RIT2: variants seen among roughly 807,000 people sequenced by gnomAD.
The protein encoded by RIT2 is Ras like without CAAX 2.
Under a neutral mutation model 23.7 loss-of-function variants are expected in RIT2, and 24 were observed. The observed-to-expected ratio is 1.01, with a 90% confidence interval of 0.73 to 1.43. The LOEUF is 1.43. RIT2 is among the 40% of genes most tolerant of loss of function. The probability of loss-of-function intolerance (pLI) is 0.00; values close to 1 mark genes in which losing one functional copy is unlikely to be tolerated. For synonymous variants in RIT2, 107 were observed against 91.1 expected, an observed-to-expected ratio of 1.17 and a Z score of -0.99; for missense variants, 236 against 266.9, an observed-to-expected ratio of 0.88 and a Z score of 0.81.
chr18:42,997,346 G>T (rs533222451), intron 2 of RIT2, among the ~76,000 whole-genome samples: 2 of 151,778 alleles, frequency 1.3e-5, no homozygotes, highest in African/African-American at 2.4e-5. Flanking sequence ...GACTGCATTT[G>T]GGGGGGAAGA....
intron 2 of RIT2, among the ~76,000 whole-genome samples, chr18:43,005,172 C>G (rs936642282): frequency 1.3e-5 from 2 of 151,854 alleles, no homozygotes; most frequent in African/African-American, 4.8e-5. Flanking sequence ...CTCCTTCAAT[C>G]TGGCTTTAAA....
chr18:42,779,249 T>A (rs1050126353), intron 4 of RIT2, among the ~76,000 whole-genome samples: 2 of 152,160 alleles, frequency 1.3e-5, no homozygotes, highest in Admixed American at 1.3e-4. Context: ...GAGATGTAAA[T>A]CTTCAACGCA....
chr18:42,950,503 T>C (rs1005856280), intron 3 of RIT2, among the ~76,000 whole-genome samples: 3 of 151,746 alleles, frequency 2.0e-5, no homozygotes, highest in Admixed American at 6.6e-5. Flanking sequence ...TATGACTAAG[T>C]CCCCAAAAGC....
At chr18:43,033,940 C>T (rs777244617) in intron 1 of RIT2, 73 bp from the exon 2 acceptor site, 8 of 998,608 alleles carry the variant, frequency 8.0e-6, no homozygotes, top group Non-Finnish European at 1.2e-5. Context: ...CCAACATAGT[C>T]CACCAATCTT....
chr18:42,831,513 G>A (rs576051256), intron 4 of RIT2, among the ~76,000 whole-genome samples: 2 of 152,226 alleles, frequency 1.3e-5, no homozygotes, highest in South Asian at 4.2e-4. Context: ...AGTGTGGTCA[G>A]ATCCTTTAAT....
intron 1 of RIT2, among the ~76,000 whole-genome samples, chr18:43,075,933 A>C (rs2144341044): frequency 6.6e-6 from 1 of 152,316 alleles, no homozygotes; most frequent in Non-Finnish European, 1.5e-5. Flanking sequence ...TAGTGAATAA[A>C]AGGGTATTTG....
chr18:43,082,543 C>T (rs533561681), intron 1 of RIT2, among the ~76,000 whole-genome samples: 15 of 152,274 alleles, frequency 9.9e-5, no homozygotes, highest in South Asian at 2.1e-4. Flanking sequence ...TTCAAGTCAA[C>T]GCCATCCCTG....
chr18:43,084,710 C>T (rs1598776775), intron 1 of RIT2, among the ~76,000 whole-genome samples: 1 of 151,992 alleles, frequency 6.6e-6, no homozygotes, highest in Non-Finnish European at 1.5e-5. Context: ...GGGAGGGGAA[C>T]ATCACACACT....
chr18:42,932,709 T>C (rs1195868197), intron 3 of RIT2, among the ~76,000 whole-genome samples: 5 of 152,126 alleles, frequency 3.3e-5, no homozygotes, highest in Non-Finnish European at 5.9e-5. Context: ...GTAGTGATGA[T>C]ATCATTTTCT....
At chr18:42,746,338 T>C (rs563436786) in intron 4 of RIT2, among the ~76,000 whole-genome samples, 4 of 152,186 alleles carry the variant, frequency 2.6e-5, no homozygotes, top group African/African-American at 9.6e-5. Flanking sequence ...TCTCCAACTT[T>C]AAAAGACAAA....
intron 4 of RIT2, among the ~76,000 whole-genome samples, chr18:42,907,838 A>G (rs1168862720): frequency 6.6e-6 from 1 of 152,032 alleles, no homozygotes; most frequent in Non-Finnish European, 1.5e-5. Flanking sequence ...AGAATTAGTC[A>G]GGTGTGATGG....
intron 4 of RIT2, among the ~76,000 whole-genome samples, chr18:42,797,286 T>A (rs1407599508): frequency 6.6e-6 from 1 of 152,124 alleles, no homozygotes; most frequent in Admixed American, 6.5e-5. Context: ...TTGTGAATTG[T>A]AGTACTGAAA....
chr18:43,040,842 A>G (rs1912111460), intron 1 of RIT2, among the ~76,000 whole-genome samples: 1 of 152,140 alleles, frequency 6.6e-6, no homozygotes, highest in Admixed American at 6.6e-5. Context: ...TCATTTTCTG[A>G]AAAAAATAAC....
At chr18:43,093,025 T>C (rs1913462218) in intron 1 of RIT2, among the ~76,000 whole-genome samples, 1 of 152,096 alleles carries the variant, frequency 6.6e-6, no homozygotes, top group Non-Finnish European at 1.5e-5. Context: ...ACAATAGCTA[T>C]CGTAATTGTT....
intron 2 of RIT2, among the ~76,000 whole-genome samples, chr18:43,032,938 GTGAGGA>G (rs1162246749): frequency 6.6e-6 from 1 of 152,108 alleles, no homozygotes; most frequent in African/African-American, 2.4e-5. Flanking sequence ...CATGGGTGGG[GTGAGGA>G]TAAGATATAT....
intron 1 of RIT2, among the ~76,000 whole-genome samples, chr18:43,050,600 C>T (rs1912357014): frequency 6.6e-6 from 1 of 152,052 alleles, no homozygotes; most frequent in African/African-American, 2.4e-5. Flanking sequence ...TATTGGGCCT[C>T]AGGGGCAGGC....
At chr18:42,943,245 T>G (rs2144161472) in intron 3 of RIT2, among the ~76,000 whole-genome samples, 2 of 152,218 alleles carry the variant, frequency 1.3e-5, no homozygotes, top group African/African-American at 4.8e-5. Context: ...TGCTGCTGAT[T>G]GGTGCATTTT....
intron 2 of RIT2, among the ~76,000 whole-genome samples, chr18:42,981,348 T>C (rs1260761092): frequency 6.6e-6 from 1 of 152,142 alleles, no homozygotes. Flanking sequence ...AAAAGAACTT[T>C]TATGATCAAG....
intron 4 of RIT2, among the ~76,000 whole-genome samples, chr18:42,783,422 C>T (rs1913855775): frequency 6.6e-6 from 1 of 152,100 alleles, no homozygotes; most frequent in Non-Finnish European, 1.5e-5. Flanking sequence ...TTCCAAATTA[C>T]ATTTAGCCTG....
Sources: gnomAD v4.1 joint callset for allele counts (sites outside exome capture counted in the v4.1 genomes callset) on GRCh38, gnomAD v4.1.1 for gene constraint, MANE v1.5 for transcripts, NCBI Gene and HGNC (gene_info 2026-07-23, HGNC 2026-07-21) for gene names.